The following FCHO2 variants were observed in gnomAD, a reference collection of about 807,000 sequenced individuals.
The protein encoded by FCHO2 is F-BAR domain only protein 2.
In FCHO2, 43 loss-of-function variants were observed where a neutral mutation model predicts 114.1. The ratio of observed to expected loss-of-function variants is 0.38; its 90% CI spans 0.30 to 0.49. The LOEUF is 0.49. Ranked by LOEUF, FCHO2 falls within the 20% of genes least tolerant of loss-of-function variation. FCHO2 has a pLI of 0.97. For missense variants in FCHO2, 807 were observed against 950.4 expected (o/e 0.85, Z 1.98); for synonymous variants, 293 against 315.2 (o/e 0.93, Z 0.75).
chr5:72,958,888 T>C (rs1353617485), intron 1 of FCHO2, among the ~76,000 whole-genome samples: 2 of 152,240 alleles, frequency 1.3e-5, no homozygotes, highest in Non-Finnish European at 2.9e-5. Flanking sequence ...CGTTTTCTGT[T>C]AATTGAGCTT....
At chr5:73,054,227 G>A (rs1353282248) in intron 14 of FCHO2, 56 bp downstream of exon 14, 5 of 1,380,048 alleles carry the variant, frequency 3.6e-6, no homozygotes, top group African/African-American at 1.5e-5. Context: ...TTGTAATTTT[G>A]GAAGATTGAC....
At chr5:73,022,268 A>G (rs1486819019) in intron 8 of FCHO2, among the ~76,000 whole-genome samples, 1 of 152,208 alleles carries the variant, frequency 6.6e-6, no homozygotes, top group Non-Finnish European at 1.5e-5. Flanking sequence ...AAGAAAGAAT[A>G]CAGAGAATGA....
intron 24 of FCHO2, 113 bp from the exon 25 acceptor site, chr5:73,087,476 C>T (rs993382293): frequency 2.8e-4 from 333 of 1,174,530 alleles, no homozygotes; most frequent in Non-Finnish European, 3.8e-4. Flanking sequence ...TTACTGTGCA[C>T]ATCTAATGAA....
intron 16 of FCHO2, among the ~76,000 whole-genome samples, 175 bp from the exon 17 acceptor site, chr5:73,058,258 G>T (rs1364832393): frequency 7.2e-5 from 11 of 152,028 alleles, no homozygotes; most frequent in Non-Finnish European, 1.5e-4. Flanking sequence ...TGATCCTCCT[G>T]CCTGAGCCTC....
At position 72,970,686 on chromosome 5, in the gene FCHO2, CTTTT is replaced by C. The variant is rs1019295510; in HGVS notation, c.125+2103_125+2106del. On this transcript the variant is annotated intron_variant, in intron 2 of 25. Transcript: ENST00000430046. Reference sequence around the variant, plus strand: ...TTTCTTTTTATTTTTCTTTCTTTTTCTTTTTTTTTATTTTTTATTTTTTATTATT... The same window carrying C: ...TTTCTTTTTATTTTTCTTTCTTTTTCTTTTTATTTTTTATTTTTTATTATT... 6.0e-5 allele frequency among the ~76,000 whole-genome samples: 9 copies of C among 150,552 alleles called. No individual in the cohort carries two copies. In the South Asian group the frequency reaches 1.9e-3, roughly 32 times the overall value.
At chr5:73,077,528 C>T (rs1225475764) in intron 21 of FCHO2, 35 bp downstream of exon 21, 3 of 1,557,164 alleles carry the variant, frequency 1.9e-6, no homozygotes, top group Non-Finnish European at 2.6e-6. Context: ...GTTGAAATTT[C>T]GTTTTAAGAT....
At chr5:72,971,837 G>A (rs537616774) in intron 2 of FCHO2, among the ~76,000 whole-genome samples, 12 of 152,162 alleles carry the variant, frequency 7.9e-5, no homozygotes, top group Admixed American at 1.3e-4. Context: ...GTTTTAGGTC[G>A]AACATTTAAG....
chr5:73,026,020 A>G (rs895292746), intron 8 of FCHO2, among the ~76,000 whole-genome samples: 1 of 152,192 alleles, frequency 6.6e-6, no homozygotes, highest in South Asian at 2.1e-4. Flanking sequence ...ACATAGCTGG[A>G]TGTGGTGGCT....
rs183637680 is a variant in FCHO2, at chr5:73,036,520, C to T, written c.842-623C>T. Among the ~76,000 whole-genome samples, 313 of 151,760 alleles carry T rather than the reference C, an allele frequency of 2.1e-3. 3 individuals carry two copies. Among genetic ancestry groups the T allele is most frequent in the African/African-American group, 7.3e-3 (301 of 41,376 alleles). ...TCCCGAGTAGCTAGGACCACAGGCG[C>T]GCACCACCACACCCAGCTAATCTTT... On this transcript the variant is annotated intron_variant, in intron 9 of 25. Transcript: ENST00000430046.
intron 18 of FCHO2, among the ~76,000 whole-genome samples, chr5:73,064,701 C>G (rs1483868149): frequency 3.9e-5 from 6 of 151,956 alleles, no homozygotes; most frequent in Non-Finnish European, 7.4e-5. Flanking sequence ...GTCCATCTTT[C>G]TCCCCTTTTC....
chr5:72,956,074 G>T lies in FCHO2; in HGVS notation c.-23G>T, dbSNP rs1377549513. ...ACAGCGGCGGGCGGGCGCGGACGCG[G>T]AACCCGGCGCGGCGGCGGCACGATG... On this transcript the variant is annotated 5_prime_UTR_variant, in exon 1 of 26. Transcript: ENST00000430046. The T allele has an allele frequency of 4.5e-6, 7 of 1,540,090 alleles. No individual in the cohort carries two copies. Among genetic ancestry groups the T allele is most frequent in the Non-Finnish European group, 5.3e-6 (6 of 1,142,446 alleles).
At chr5:73,064,925 C>T (rs1442085583) in intron 18 of FCHO2, among the ~76,000 whole-genome samples, 2 of 151,992 alleles carry the variant, frequency 1.3e-5, no homozygotes, top group African/African-American at 4.8e-5. Flanking sequence ...TACCCAGATA[C>T]TTTGCTTATA....
At chr5:72,981,749 C>G (rs1371736056) in intron 2 of FCHO2, among the ~76,000 whole-genome samples, 2 of 152,146 alleles carry the variant, frequency 1.3e-5, no homozygotes, top group African/African-American at 4.8e-5. Flanking sequence ...GCTATTGATA[C>G]TTGTGTATGC....
intron 8 of FCHO2, among the ~76,000 whole-genome samples, chr5:73,023,384 A>G (rs1208633095): frequency 6.6e-6 from 1 of 152,180 alleles, no homozygotes; most frequent in Admixed American, 6.5e-5. Context: ...ATGGAGTTTT[A>G]TTGCATAAGG....
At chr5:73,058,546 T>C in intron 17 of FCHO2, 22 bp downstream of exon 17, 1 of 971,912 alleles carries the variant, frequency 1.0e-6, no homozygotes. Context: ...TATGTATATA[T>C]GTATTTTTTT....
intron 8 of FCHO2, among the ~76,000 whole-genome samples, chr5:73,029,066 ATAAT>A (rs1395677468): frequency 6.6e-6 from 1 of 152,226 alleles, no homozygotes; most frequent in African/African-American, 2.4e-5. Flanking sequence ...GCATGAGGTG[ATAAT>A]TATATATGTT....
In FCHO2 at chr5:73,082,796, C is replaced by G; in HGVS notation, c.2216C>G (p.Ser739Cys). Residue 739 changes from serine to cysteine, a missense_variant, in exon 24 of 26, where the codon TCT (serine) becomes TGT (cysteine). Physicochemically the swap from Ser to Cys is moderately radical, Grantham distance 112 (BLOSUM62 -1). Transcript: ENST00000430046. ...CAAATGAAAGCCTTTTGGAAATTGT[C>G]TAGTATTTCAGAAAAATCAGAAAAT... The part of the protein sequence containing the change: ...AEQMKAFWKL[S>C]SISEKSENGG... 6.2e-7 allele frequency: 1 copy of G among 1,606,354 alleles called. No homozygotes were observed. The highest frequency in any genetic ancestry group is 1.3e-5 in the African/African-American group (1 of 74,720).
chr5:72,957,567 C>T (rs916204650), intron 1 of FCHO2, among the ~76,000 whole-genome samples: 1 of 152,210 alleles, frequency 6.6e-6, no homozygotes, highest in African/African-American at 2.4e-5. Flanking sequence ...AAATAATATT[C>T]CATTCCACAT....
intron 2 of FCHO2, among the ~76,000 whole-genome samples, chr5:72,981,754 G>A (rs965322391): frequency 2.6e-5 from 4 of 152,210 alleles, no homozygotes; most frequent in African/African-American, 7.2e-5. Flanking sequence ...TGATACTTGT[G>A]TATGCTTCAC....
Sources: gnomAD v4.1 joint callset for allele counts (sites outside exome capture counted in the v4.1 genomes callset) on GRCh38, gnomAD v4.1.1 for gene constraint, MANE v1.5 for transcripts, NCBI Gene and HGNC (gene_info 2026-07-23, HGNC 2026-07-21) for gene names.